Variants in TRPM3 observed in about 807,000 individuals in gnomAD.
The protein encoded by TRPM3 is transient receptor potential cation channel subfamily M member 3.
A neutral mutation model predicts 181.2 loss-of-function variants in TRPM3; 77 were observed. That is an observed-to-expected ratio of 0.42 (90% CI 0.35 to 0.51). The LOEUF (loss-of-function observed/expected upper bound fraction) is 0.51, where lower values mean the gene tolerates loss of function less well. TRPM3 is among the 20% of genes least tolerant of loss of function. The pLI, the probability that TRPM3 is intolerant of heterozygous loss-of-function variation, is 0.01. For missense variants in TRPM3, 1,759 were observed against 2,196.7 expected (o/e 0.80, Z 3.98); for synonymous variants, 745 against 796.4 (o/e 0.94, Z 1.09).
chr9:71,192,519 A>G (rs1311447768), intron 1 of TRPM3, among the ~76,000 whole-genome samples: 1 of 151,926 alleles, frequency 6.6e-6, no homozygotes, highest in Non-Finnish European at 1.5e-5. Flanking sequence ...AGTGATGTTG[A>G]GCATGTTTTC....
intron 1 of TRPM3, among the ~76,000 whole-genome samples, chr9:71,192,197 A>C (rs2078072048): frequency 6.6e-6 from 1 of 151,826 alleles, no homozygotes; most frequent in Non-Finnish European, 1.5e-5. Flanking sequence ...TGTTCTTCCA[A>C]ATCTAGGCTT....
At chr9:70,813,192 A>G (rs1275624352) in intron 6 of TRPM3, among the ~76,000 whole-genome samples, 2 of 152,190 alleles carry the variant, frequency 1.3e-5, no homozygotes, top group African/African-American at 4.8e-5. Flanking sequence ...AGCACTTTAT[A>G]TTACTAAAGG....
At chr9:71,388,891 A>G (rs2092992585) in intron 1 of TRPM3, among the ~76,000 whole-genome samples, 1 of 152,294 alleles carries the variant, frequency 6.6e-6, no homozygotes, top group East Asian at 1.9e-4. Context: ...AACTTAAACT[A>G]ATGTGAACAG....
At chr9:70,779,312 G>T (rs2130765235) in intron 7 of TRPM3, among the ~76,000 whole-genome samples, 1 of 152,192 alleles carries the variant, frequency 6.6e-6, no homozygotes, top group Admixed American at 6.5e-5. Context: ...CTACCAGAAA[G>T]CTCTGCTTTT....
At chr9:70,617,684 C>T (rs1243021427) in intron 17 of TRPM3, among the ~76,000 whole-genome samples, 1 of 152,086 alleles carries the variant, frequency 6.6e-6, no homozygotes, top group Admixed American at 6.5e-5. Flanking sequence ...CATGTTGTGG[C>T]TGGGTGCCAG....
chr9:70,905,146 G>A (rs893456167), intron 1 of TRPM3, among the ~76,000 whole-genome samples: 3 of 152,138 alleles, frequency 2.0e-5, no homozygotes, highest in Admixed American at 1.3e-4. Flanking sequence ...TGCAATGTGG[G>A]TCATATTCTA....
At chr9:71,026,930 C>A (rs942308364) in intron 1 of TRPM3, among the ~76,000 whole-genome samples, 9 of 152,170 alleles carry the variant, frequency 5.9e-5, no homozygotes, top group African/African-American at 1.9e-4. Flanking sequence ...GGGGCTCTGG[C>A]ACCTACAGCA....
chr9:71,294,320 A>G (rs943331281), intron 1 of TRPM3, among the ~76,000 whole-genome samples: 6 of 152,052 alleles, frequency 3.9e-5, no homozygotes, highest in Non-Finnish European at 5.9e-5. Flanking sequence ...AAACACACAA[A>G]CATTTCCCAG....
At chr9:70,962,358 T>A (rs551474274) in intron 1 of TRPM3, among the ~76,000 whole-genome samples, 1 of 152,234 alleles carries the variant, frequency 6.6e-6, no homozygotes, top group South Asian at 2.1e-4. Context: ...TCTGCCTGTA[T>A]CACGGGCCTG....
intron 1 of TRPM3, among the ~76,000 whole-genome samples, chr9:71,195,192 A>G (rs936159665): frequency 1.4e-4 from 22 of 152,264 alleles, no homozygotes; most frequent in African/African-American, 4.8e-4. Flanking sequence ...TCCGCACAGC[A>G]AAAGAAACTA....
At chr9:70,654,910 C>T (rs1170843427) in intron 9 of TRPM3, among the ~76,000 whole-genome samples, 1 of 151,284 alleles carries the variant, frequency 6.6e-6, no homozygotes, top group African/African-American at 2.4e-5. Context: ...GTCTCGATCT[C>T]CTGACCTTGT....
At chr9:70,598,847 T>G (rs1009796126) in intron 20 of TRPM3, among the ~76,000 whole-genome samples, 177 bp from the exon 21 acceptor site, 5 of 152,228 alleles carry the variant, frequency 3.3e-5, no homozygotes, top group African/African-American at 1.2e-4. Flanking sequence ...ATTATTCAGC[T>G]GCAATATTCC....
At chr9:70,664,642 T>TG (rs1491193330) in intron 9 of TRPM3, among the ~76,000 whole-genome samples, 2 of 5,526 alleles carry the variant, frequency 3.6e-4, no homozygotes, top group Non-Finnish European at 1.2e-3. Context: ...AGGAGAGTAG[T>TG]TTTTTTTTTT....
chr9:71,418,656 A>G (rs1308853482), intron 1 of TRPM3, among the ~76,000 whole-genome samples: 1 of 151,402 alleles, frequency 6.6e-6, no homozygotes, highest in East Asian at 2.0e-4. Context: ...AAAGTTAAAT[A>G]TCTCAATCTA....
At chr9:70,836,191 G>T (rs1045326368) in intron 5 of TRPM3, among the ~76,000 whole-genome samples, 3 of 152,102 alleles carry the variant, frequency 2.0e-5, no homozygotes, top group African/African-American at 7.2e-5. Flanking sequence ...ACCCACAGTT[G>T]ATCTTTCCTC....
chr9:71,216,863 A>G (rs746592517), intron 1 of TRPM3, among the ~76,000 whole-genome samples: 1 of 151,900 alleles, frequency 6.6e-6, no homozygotes, highest in African/African-American at 2.4e-5. Flanking sequence ...ACCCAAGAAG[A>G]CATCCTTTGT....
At chr9:70,896,629 A>C (rs1457181389) in intron 1 of TRPM3, among the ~76,000 whole-genome samples, 3 of 152,220 alleles carry the variant, frequency 2.0e-5, no homozygotes, top group African/African-American at 4.8e-5. Context: ...TTTCAATAAC[A>C]AAAGAAACAA....
At chr9:70,775,798 T>G (rs1334657870) in intron 7 of TRPM3, 1 of 150,800 alleles carries the variant, frequency 6.6e-6, no homozygotes, top group Admixed American at 6.6e-5. Context: ...TTTTTTTTTT[T>G]GTAGTTTTTT....
intron 1 of TRPM3, among the ~76,000 whole-genome samples, chr9:71,410,178 C>G (rs1324073398): frequency 1.3e-5 from 2 of 152,018 alleles, no homozygotes; most frequent in Non-Finnish European, 2.9e-5. Flanking sequence ...AATTGACACC[C>G]TAACATCACA....
Sources: allele counts gnomAD v4.1 joint callset (sites outside exome capture counted in the v4.1 genomes callset), GRCh38; gene constraint gnomAD v4.1.1; transcripts MANE v1.5; gene names NCBI Gene and HGNC (gene_info 2026-07-23, HGNC 2026-07-21).